Variants in CPNE4 observed in about 807,000 individuals in gnomAD.
CPNE4 encodes the protein copine-4.
Under a neutral mutation model 67.9 loss-of-function variants are expected in CPNE4, and 25 were observed. That is an observed-to-expected ratio of 0.37 (90% CI 0.27 to 0.51). CPNE4 has a LOEUF of 0.51. Among genes scored for constraint, CPNE4 ranks in the 20% least tolerant of loss-of-function variants. The pLI, the probability that CPNE4 is intolerant of heterozygous loss-of-function variation, is 0.93. For synonymous variants in CPNE4, 242 were observed against 244.9 expected, an observed-to-expected ratio of 0.99 and a Z score of 0.11; for missense variants, 464 against 690.8, an observed-to-expected ratio of 0.67 and a Z score of 3.68.
intron 8 of CPNE4, among the ~76,000 whole-genome samples, chr3:131,583,102 A>C (rs75880856): frequency 6.6e-6 from 1 of 152,206 alleles, no homozygotes; most frequent in African/African-American, 2.4e-5. Flanking sequence ...TGACTCCTTC[A>C]AAATATGGAA....
intron 1 of CPNE4, among the ~76,000 whole-genome samples, chr3:131,955,958 C>G (rs556892680): frequency 6.6e-6 from 1 of 152,238 alleles, no homozygotes; most frequent in Non-Finnish European, 1.5e-5. Context: ...ATCCATTATA[C>G]CTAGTAGGAC....
At position 131,726,561 on chromosome 3, in the gene CPNE4, G is replaced by A. The variant is rs540955804; in HGVS notation, c.181-2936C>T. ...AATATTATGCATTTCCAGTTATTAT[G>A]GAAGATGCATTATTTTTTTCTGGTG... On this transcript the variant is annotated intron_variant, in intron 2 of 15. Transcript: ENST00000429747. 7.9e-5 allele frequency among the ~76,000 whole-genome samples: 12 copies of A among 152,230 alleles called. No homozygotes were observed. The East Asian group carries it at 2.3e-3, about 29-fold the overall frequency.
rs527850321 is a variant in CPNE4, at chr3:131,606,179, T to C, written c.682-18597A>G. ...CAGTCTGCAAACCACAAATGGGCAA[T>C]GTGGGATTTACTGACAGACAGGAGG... On this transcript the variant is annotated intron_variant, in intron 7 of 15. Coordinates refer to ENST00000429747, the MANE Select transcript of CPNE4 (RefSeq NM_130808.3). Among the ~76,000 whole-genome samples, 5 of 152,274 alleles carry C rather than the reference T, an allele frequency of 3.3e-5. No homozygotes were observed. The South Asian group carries it at 1.0e-3, about 32-fold the overall frequency.
chr3:131,906,237 TTTTG>T (rs1283633097), intron 1 of CPNE4, among the ~76,000 whole-genome samples: 6 of 151,904 alleles, frequency 3.9e-5, no homozygotes, highest in East Asian at 1.9e-4. Context: ...TTTTGTTTTA[TTTTG>T]TTTTTGTTTT....
chr3:131,853,801 A>G (rs1000388822), intron 2 of CPNE4, among the ~76,000 whole-genome samples: 2 of 151,864 alleles, frequency 1.3e-5, no homozygotes, highest in African/African-American at 2.4e-5. Context: ...GATACCCAAC[A>G]TTATTTAGTC....
intron 7 of CPNE4, among the ~76,000 whole-genome samples, chr3:131,660,061 G>T (rs1015707545): frequency 6.6e-6 from 1 of 151,962 alleles, no homozygotes; most frequent in Non-Finnish European, 1.5e-5. Context: ...GTATTTCAAC[G>T]ATTACCACCA....
At position 131,600,079 on chromosome 3, in the gene CPNE4, G is replaced by T. The variant is rs554810772; in HGVS notation, c.682-12497C>A. Among the ~76,000 whole-genome samples the T allele has an allele frequency of 2.0e-5, 3 of 152,252 alleles. 1 individual carries two copies. Among genetic ancestry groups the T allele is most frequent in the African/African-American group, 7.2e-5 (3 of 41,560 alleles). ...CTTGGGGGCTGAGGGTGAAAGGATG[G>T]TAGAAGTACCAGCATCTGGGATGTC... On this transcript the variant is annotated intron_variant, in intron 7 of 15. Coordinates refer to ENST00000429747, the MANE Select transcript of CPNE4 (RefSeq NM_130808.3).
chr3:131,683,997 G>A (rs1253814558), intron 6 of CPNE4, among the ~76,000 whole-genome samples: 1 of 152,078 alleles, frequency 6.6e-6, no homozygotes, highest in Admixed American at 6.5e-5. Context: ...CACAGATTCT[G>A]TATCTGCACC....
At chr3:131,655,982 T>C (rs1442371381) in intron 7 of CPNE4, among the ~76,000 whole-genome samples, 1 of 151,610 alleles carries the variant, frequency 6.6e-6, no homozygotes, top group African/African-American at 2.4e-5. Context: ...ACCTTCCTTT[T>C]CTAAGATTTT....
At chr3:131,623,245 G>C (rs7643815) in intron 7 of CPNE4, among the ~76,000 whole-genome samples, 35,960 of 151,560 alleles carry the variant, frequency 0.24, 7,936 homozygotes, top group African/African-American at 0.59. Context: ...AAGAAACCCT[G>C]AACTTTTATT....
chr3:131,991,092 C>T lies in CPNE4; in HGVS notation c.-2+43475G>A, dbSNP rs757339522. 2.2e-5 allele frequency among the ~76,000 whole-genome samples: 3 copies of T among 136,182 alleles called. 1 individual carries two copies. Among genetic ancestry groups the T allele is most frequent in the Non-Finnish European group, 5.0e-5 (3 of 60,066 alleles). The allele number at this position is 136,182 out of a possible 152,430, so 89.3% of individuals were successfully genotyped here. On this transcript the variant is annotated intron_variant, in intron 1 of 15. Coordinates refer to ENST00000429747, the MANE Select transcript of CPNE4 (RefSeq NM_130808.3). ...TAAACCTCTTTCCTTTATAAATTAC[C>T]CAGTCTCTCGTATGTCTTTACTAGC...
intron 1 of CPNE4, among the ~76,000 whole-genome samples, chr3:131,906,598 C>T (rs2088775916): frequency 6.6e-6 from 1 of 151,918 alleles, no homozygotes; most frequent in South Asian, 2.1e-4. Flanking sequence ...TTTTTTATGG[C>T]TGCATAGTAT....
intron 1 of CPNE4, among the ~76,000 whole-genome samples, chr3:131,930,022 G>A (rs2071010240): frequency 6.6e-6 from 1 of 152,178 alleles, no homozygotes; most frequent in Non-Finnish European, 1.5e-5. Context: ...TTACAAGTAG[G>A]AACTTAAGAT....
At chr3:132,012,903 C>A (rs549744239) in intron 1 of CPNE4, among the ~76,000 whole-genome samples, 39 of 152,244 alleles carry the variant, frequency 2.6e-4, no homozygotes, top group African/African-American at 8.7e-4. Flanking sequence ...AAGAGAAGGT[C>A]CTAATAACAG....
intron 2 of CPNE4, among the ~76,000 whole-genome samples, chr3:131,781,251 C>T (rs2083426865): frequency 6.6e-6 from 1 of 152,052 alleles, no homozygotes; most frequent in Non-Finnish European, 1.5e-5. Context: ...TTTACACTAA[C>T]GGTCTAGCTA....
At chr3:131,552,812 C>T (rs1936255979) in intron 12 of CPNE4, among the ~76,000 whole-genome samples, 2 of 152,044 alleles carry the variant, frequency 1.3e-5, no homozygotes, top group Non-Finnish European at 1.5e-5. Context: ...GAACTGGCCA[C>T]AGACTGGAGG....
At chr3:131,738,854 CTT>C (rs34053204) in intron 2 of CPNE4, among the ~76,000 whole-genome samples, 6 of 140,130 alleles carry the variant, frequency 4.3e-5, no homozygotes, top group Admixed American at 7.2e-5. Context: ...TTTTCTTTTT[CTT>C]TTTTTTTTTT....
At chr3:131,653,613 G>A (rs72983617) in intron 7 of CPNE4, among the ~76,000 whole-genome samples, 40,803 of 151,924 alleles carry the variant, frequency 0.27, 7,541 homozygotes, top group African/African-American at 0.53. Context: ...TAGAAATTAA[G>A]ACTCCTTAAC....
chr3:131,984,563 T>G (rs950346355), intron 1 of CPNE4, among the ~76,000 whole-genome samples: 1 of 152,148 alleles, frequency 6.6e-6, no homozygotes, highest in African/African-American at 2.4e-5. Context: ...TGCTATCAAG[T>G]GTTTATTGAG....
Sources: allele counts gnomAD v4.1 joint callset (sites outside exome capture counted in the v4.1 genomes callset), GRCh38; gene constraint gnomAD v4.1.1; transcripts MANE v1.5; gene names NCBI Gene and HGNC (gene_info 2026-07-23, HGNC 2026-07-21).